Variants in WNT7A observed in about 807,000 individuals in gnomAD.
The protein encoded by WNT7A is Wnt family member 7A.
Under a neutral mutation model 28.2 loss-of-function variants are expected in WNT7A, and 16 were observed. That is an observed-to-expected ratio of 0.57 (90% confidence interval 0.38 to 0.86). The LOEUF (loss-of-function observed/expected upper bound fraction) is 0.86. WNT7A is among the 40% of genes least tolerant of loss of function. The probability of loss-of-function intolerance (pLI) is 0.00; values close to 1 mark genes in which losing one functional copy is unlikely to be tolerated. For missense variants in WNT7A, 411 were observed against 489.7 expected, an observed-to-expected ratio of 0.84 and a Z score of 1.52; for synonymous variants, 190 against 195.9, an observed-to-expected ratio of 0.97 and a Z score of 0.25.
chr3:13,825,460 C>A (rs9810066), intron 3 of WNT7A, among the ~76,000 whole-genome samples: 3 of 152,166 alleles, frequency 2.0e-5, no homozygotes, highest in Admixed American at 6.5e-5. Context: ...AACTGGCTCT[C>A]GAAAGAAAAA....
At chr3:13,872,902 T>C (rs927005607) in intron 2 of WNT7A, among the ~76,000 whole-genome samples, 2 of 152,210 alleles carry the variant, frequency 1.3e-5, no homozygotes, top group African/African-American at 4.8e-5. Context: ...TGACTTGACT[T>C]CGAGCAAGTC....
At chr3:13,868,826 A>AAAG (rs1559307295) in intron 2 of WNT7A, among the ~76,000 whole-genome samples, 4 of 98,392 alleles carry the variant, frequency 4.1e-5, no homozygotes, top group South Asian at 3.5e-4. Flanking sequence ...GAGAGAGAGA[A>AAAG]AGAGAGAAAG....
chr3:13,867,934 C>T (rs929899298), intron 2 of WNT7A, among the ~76,000 whole-genome samples: 1 of 152,224 alleles, frequency 6.6e-6, no homozygotes, highest in African/African-American at 2.4e-5. Context: ...TGCAGCTGGC[C>T]AGTCCCAGTG....
chr3:13,817,393 G>A lies in WNT7A; in HGVS notation c.*1551C>T, dbSNP rs1427892578. On this transcript the variant is annotated 3_prime_UTR_variant, in exon 4 of 4. Coordinates refer to ENST00000285018, the MANE Select transcript of WNT7A (RefSeq NM_004625.4). ...GGCGCTGCAAGGCGCAAAGTCACGT[G>A]ACTACACTCAAGTCCCTAAGAAGAT... 1.3e-5 allele frequency: 2 copies of A among 150,774 alleles called. No individual in the cohort carries two copies. 9.3% of individuals were successfully genotyped at this position (150,774 alleles called of 1,614,324 possible). A position where few individuals can be genotyped will look rare whatever the true frequency, so the allele number is the denominator to read the frequency against.
rs576469580 is a variant in WNT7A at position 13,821,021 on chromosome 3, G to A, written c.571-1598C>T. Among the ~76,000 whole-genome samples the A allele has an allele frequency of 4.3e-4, 65 of 152,318 alleles. 1 individual carries two copies. The South Asian group carries it at 0.013, about 31-fold the overall frequency. ...AGCAGCCCCTTCAAATGCAGGCTGC[G>A]TCCCACAAATCTGTGTCCCCAAAAC... On this transcript the variant is annotated intron_variant, in intron 3 of 3. Transcript: ENST00000285018.
At chr3:13,821,734 T>C (rs1014357038) in intron 3 of WNT7A, among the ~76,000 whole-genome samples, 1 of 152,178 alleles carries the variant, frequency 6.6e-6, no homozygotes, top group Non-Finnish European at 1.5e-5. Context: ...TAGTATTGTT[T>C]AGGAGCCCAT....
intron 2 of WNT7A, among the ~76,000 whole-genome samples, chr3:13,874,621 G>A (rs1695076038): frequency 6.6e-6 from 1 of 152,096 alleles, no homozygotes; most frequent in South Asian, 2.1e-4. Context: ...AAAGAAACCA[G>A]AAATTCCTAT....
At chr3:13,860,120 A>G (rs1275791878) in intron 2 of WNT7A, among the ~76,000 whole-genome samples, 1 of 152,194 alleles carries the variant, frequency 6.6e-6, no homozygotes, top group Admixed American at 6.5e-5. Flanking sequence ...GGCACCTCCT[A>G]GGTTCCGGAC....
At chr3:13,823,265 A>G (rs1694141076) in intron 3 of WNT7A, among the ~76,000 whole-genome samples, 1 of 152,168 alleles carries the variant, frequency 6.6e-6, no homozygotes. Context: ...CCACTTGAAG[A>G]GCCTGGGCTC....
At chr3:13,824,848 T>C (rs1434636492) in intron 3 of WNT7A, among the ~76,000 whole-genome samples, 3 of 152,170 alleles carry the variant, frequency 2.0e-5, no homozygotes, top group African/African-American at 7.2e-5. Flanking sequence ...ACAGGGACCT[T>C]ATCTGAAATA....
In WNT7A at chr3:13,819,039, C is replaced by A. The variant is rs1575057214; in HGVS notation, c.955G>T (p.Ala319Ser). ...TTACAGTTGCACTGCCACACGCGGG[C>A]GTACTGGTGGGTGTTGTAGCCACGC... is the stretch of plus-strand genomic sequence containing the variant. ...CGRGYNTHQY[A>S]RVWQCNCKFH... The change falls in exon 4 of 4, where the codon GCC (alanine) becomes TCC (serine). Residue 319 changes from alanine to serine, a missense_variant. Coordinates refer to ENST00000285018, the MANE Select transcript of WNT7A (RefSeq NM_004625.4). 5 of 1,613,152 alleles carry A rather than the reference C, an allele frequency of 3.1e-6. No homozygotes were observed. The highest frequency in any genetic ancestry group is 4.2e-6 in the Non-Finnish European group (5 of 1,179,288).
chr3:13,850,108 C>T (rs191421800), intron 3 of WNT7A, among the ~76,000 whole-genome samples: 2 of 152,376 alleles, frequency 1.3e-5, no homozygotes, highest in East Asian at 1.9e-4. Context: ...CAAGCCTTTC[C>T]ATTCGCAAGG....
At chr3:13,827,804 T>C (rs867606) in intron 3 of WNT7A, among the ~76,000 whole-genome samples, 28,003 of 152,090 alleles carry the variant, frequency 0.18, 3,050 homozygotes, top group East Asian at 0.56. Flanking sequence ...ACACACTGCT[T>C]GCTGTCATCC....
chr3:13,867,285 C>T (rs1458716222), intron 2 of WNT7A, among the ~76,000 whole-genome samples: 1 of 152,136 alleles, frequency 6.6e-6, no homozygotes, highest in African/African-American at 2.4e-5. Context: ...GGCCATGTGA[C>T]TCTGATTTCA....
chr3:13,879,862 C>G lies in WNT7A; in HGVS notation c.-46G>C. The G allele has an allele frequency of 6.6e-7, 1 of 1,512,138 alleles. No individual in the cohort carries two copies. The highest frequency in any genetic ancestry group is 8.9e-7 in the Non-Finnish European group (1 of 1,124,842). 93.7% of individuals were successfully genotyped at this position (1,512,138 alleles called of 1,614,324 possible). A position where few individuals can be genotyped will look rare whatever the true frequency, so the allele number is the denominator to read the frequency against. On this transcript the variant is annotated 5_prime_UTR_variant, in exon 1 of 4. Coordinates refer to ENST00000285018, the MANE Select transcript of WNT7A (RefSeq NM_004625.4). ...GCCGCGGGCCGGGCTGTGCTGATCC[C>G]GCGGGCCGGCCCCGGCGGGGCAATC...
intron 3 of WNT7A, among the ~76,000 whole-genome samples, chr3:13,830,496 A>T (rs565286981): frequency 1.3e-5 from 2 of 152,292 alleles, no homozygotes; most frequent in African/African-American, 4.8e-5. Context: ...GTGTGGCAGA[A>T]GGTGTCCCTG....
intron 2 of WNT7A, among the ~76,000 whole-genome samples, chr3:13,866,523 T>A (rs1390928411): frequency 6.6e-6 from 1 of 152,136 alleles, no homozygotes; most frequent in African/African-American, 2.4e-5. Context: ...AAGAAAATGC[T>A]ACACAGTGAG....
chr3:13,875,399 C>T (rs905426365), intron 1 of WNT7A, among the ~76,000 whole-genome samples: 8 of 152,172 alleles, frequency 5.3e-5, no homozygotes, highest in African/African-American at 1.9e-4. Flanking sequence ...AACATACACA[C>T]ACTTGATTTT....
At chr3:13,868,220 G>A (rs912396592) in intron 2 of WNT7A, among the ~76,000 whole-genome samples, 6 of 152,028 alleles carry the variant, frequency 3.9e-5, no homozygotes, top group African/African-American at 1.4e-4. Context: ...ATGGCCAGGT[G>A]CAGTGGCTCA....
Sources: gnomAD v4.1 joint callset for allele counts (sites outside exome capture counted in the v4.1 genomes callset) on GRCh38, gnomAD v4.1.1 for gene constraint, MANE v1.5 for transcripts, NCBI Gene and HGNC (gene_info 2026-07-23, HGNC 2026-07-21) for gene names.